The following STOX2 variants were observed in gnomAD, a reference collection of about 807,000 sequenced individuals.
STOX2 encodes storkhead-box protein 2.
Under a neutral mutation model 60.9 loss-of-function variants are expected in STOX2, and 28 were observed. The ratio of observed to expected loss-of-function variants is 0.46; its 90% CI spans 0.34 to 0.63. The LOEUF (loss-of-function observed/expected upper bound fraction) is 0.63. Among genes scored for constraint, STOX2 ranks in the 30% least tolerant of loss-of-function variants. The pLI, the probability that STOX2 is intolerant of heterozygous loss-of-function variation, is 0.01. For synonymous variants in STOX2, 472 were observed against 463.9 expected (o/e 1.02, Z -0.22); for missense variants, 1,024 against 1,187.7 (o/e 0.86, Z 2.03).
chr4:183,947,824 A>G (rs1428358132), intron 1 of STOX2, among the ~76,000 whole-genome samples: 3 of 152,208 alleles, frequency 2.0e-5, no homozygotes, highest in African/African-American at 7.2e-5. Flanking sequence ...TACTAATATT[A>G]CTGCAGTTAG....
In STOX2 at chr4:184,011,043, G is replaced by T. The variant is rs367959621; in HGVS notation, c.2205G>T (p.Leu735Phe). 27 of 1,612,496 alleles carry T rather than the reference G, an allele frequency of 1.7e-5. No homozygotes were observed. In the African/African-American group the frequency reaches 3.6e-4, roughly 21 times the overall value. The stretch of plus-strand genomic sequence containing the variant: ...ACCCGAAGACACCTGCTGACACATT[G>T]CCAGGCCGATGTGAGAAACTGGAAC... ...KSHPKTPADT[L>F]PGRCEKLEPS... Residue 735 changes from leucine to phenylalanine, a missense_variant, in exon 3 of 4, where the codon TTG becomes TTT. Transcript: ENST00000308497. This position sits in a 1 kb window ranked among gnomAD's most constrained non-coding sequence, Gnocchi z 4.4.
chr4:183,832,155 A>C (rs7655199), intron 1 of STOX2, among the ~76,000 whole-genome samples: 13,228 of 151,534 alleles, frequency 0.087, 1,879 homozygotes, highest in African/African-American at 0.3. Context: ...ATGCCCGGCT[A>C]ATTTTTGTAT....
At chr4:183,968,404 T>C (rs1743643814) in intron 1 of STOX2, among the ~76,000 whole-genome samples, 1 of 150,132 alleles carries the variant, frequency 6.7e-6, no homozygotes, top group Non-Finnish European at 1.5e-5. Flanking sequence ...TTAAAGACAA[T>C]TTTTTGATCA....
intron 1 of STOX2, among the ~76,000 whole-genome samples, chr4:183,948,369 A>G (rs1025938176): frequency 6.6e-6 from 1 of 151,878 alleles, no homozygotes; most frequent in Non-Finnish European, 1.5e-5. Flanking sequence ...AAACTGATAC[A>G]TAGCATCTTA....
chr4:183,843,456 C>A lies in STOX2; in HGVS notation c.364+45401C>A, dbSNP rs73870919. Reference sequence around the variant, plus strand: ...GTAGACAGAAACATTGTGTACCTTCCTGGGCACTGAACTTTAGATCAGGAG... The same window carrying A: ...GTAGACAGAAACATTGTGTACCTTCATGGGCACTGAACTTTAGATCAGGAG... On this transcript the variant is annotated intron_variant, in intron 1 of 2. Transcript: ENST00000513034. Among the ~76,000 whole-genome samples the A allele has an allele frequency of 6.0e-3, 919 of 152,314 alleles. 8 individuals carry two copies. The highest frequency in any genetic ancestry group is 0.022 in the South Asian group (104 of 4,832).
chr4:183,984,181 C>T (rs1205756366), intron 1 of STOX2, among the ~76,000 whole-genome samples: 1 of 152,206 alleles, frequency 6.6e-6, no homozygotes, highest in East Asian at 1.9e-4. Context: ...ACAAAACATG[C>T]AAAAAGTATC....
At chr4:183,951,740 C>T (rs1743102116) in intron 1 of STOX2, among the ~76,000 whole-genome samples, 1 of 152,078 alleles carries the variant, frequency 6.6e-6, no homozygotes, top group South Asian at 2.1e-4. Context: ...GAGTTCGAGA[C>T]CAGCCTGGGC....
chr4:183,871,123 G>T (rs144116010), intron 1 of STOX2, among the ~76,000 whole-genome samples: 113 of 152,306 alleles, frequency 7.4e-4, no homozygotes, highest in Non-Finnish European at 8.8e-4. Context: ...TTCCTGGCTG[G>T]ATCTAACAGG....
chr4:183,812,581 A>G (rs528278211), intron 1 of STOX2, among the ~76,000 whole-genome samples: 3 of 152,250 alleles, frequency 2.0e-5, no homozygotes, highest in South Asian at 2.1e-4. Context: ...GAGCAGCTCA[A>G]CATGAATTGG....
chr4:183,891,882 T>C (rs1411809085), intron 1 of STOX2, among the ~76,000 whole-genome samples: 1 of 152,198 alleles, frequency 6.6e-6, no homozygotes, highest in Non-Finnish European at 1.5e-5. Flanking sequence ...TAGCTAATAT[T>C]TACTGAGCAT....
In STOX2 at chr4:183,821,627, G is replaced by C. The variant is rs144600433; in HGVS notation, c.364+23572G>C. 0.011 allele frequency among the ~76,000 whole-genome samples: 1,749 copies of C among 152,334 alleles called. 40 individuals are homozygous for C. Among genetic ancestry groups the C allele is most frequent in the Admixed American group, 0.064 (981 of 15,306 alleles). On this transcript the variant is annotated intron_variant, in intron 1 of 2. Coordinates refer to the STOX2 transcript ENST00000513034. This position sits in a 1 kb window ranked among gnomAD's most constrained non-coding sequence, Gnocchi z 4.2. ...CTTTGGGAGGCTGGCAGGCAGGTAG[G>C]CTGGGAAGGTGAGGGTTGGCAGTGT...
intron 1 of STOX2, among the ~76,000 whole-genome samples, chr4:183,996,409 A>G (rs2309955): frequency 0.56 from 85,363 of 152,124 alleles, 24,394 homozygotes; most frequent in African/African-American, 0.69. Flanking sequence ...AGACAAGTAA[A>G]TTATAATCCA....
chr4:183,868,931 G>A (rs1475116537), intron 1 of STOX2, among the ~76,000 whole-genome samples: 10 of 152,152 alleles, frequency 6.6e-5, no homozygotes. Flanking sequence ...AATACAGTGA[G>A]TATATCCTTG....
At chr4:183,826,689 C>T (rs770049806) in intron 1 of STOX2, among the ~76,000 whole-genome samples, 1 of 152,210 alleles carries the variant, frequency 6.6e-6, no homozygotes, top group Non-Finnish European at 1.5e-5. Flanking sequence ...TGGAATCTGC[C>T]CCGCAGGGTT....
chr4:183,980,361 G>A (rs1036482235), intron 1 of STOX2, among the ~76,000 whole-genome samples: 2 of 152,152 alleles, frequency 1.3e-5, no homozygotes, highest in South Asian at 2.1e-4. Context: ...TTGTTTTTGC[G>A]TGCTGAAAAT....
At chr4:183,811,177 G>T (rs1739025712) in intron 1 of STOX2, among the ~76,000 whole-genome samples, 1 of 152,206 alleles carries the variant, frequency 6.6e-6, no homozygotes, top group Non-Finnish European at 1.5e-5. Context: ...TCAAAGGACG[G>T]GGAGGGGTGA....
At chr4:183,834,315 C>T (rs997426864) in intron 1 of STOX2, among the ~76,000 whole-genome samples, 3 of 152,156 alleles carry the variant, frequency 2.0e-5, no homozygotes, top group African/African-American at 7.2e-5. Context: ...TGAAGTTTTG[C>T]ACCGTGCAGC....
At chr4:184,014,176 G>A (rs1167324594) in intron 3 of STOX2, 1 of 150,570 alleles carries the variant, frequency 6.6e-6, no homozygotes, top group Non-Finnish European at 1.5e-5. Flanking sequence ...CACACTCCAG[G>A]GTTTCAGTGC....
chr4:183,826,903 A>C (rs1272176190), intron 1 of STOX2, among the ~76,000 whole-genome samples: 1 of 152,246 alleles, frequency 6.6e-6, no homozygotes, highest in Admixed American at 6.5e-5. Flanking sequence ...AAAGGCAGTG[A>C]TAGTAGTAGC....
Sources: allele counts gnomAD v4.1 joint callset (sites outside exome capture counted in the v4.1 genomes callset), GRCh38; gene constraint gnomAD v4.1.1; non-coding constraint Gnocchi (gnomAD v3.1); transcripts MANE v1.5; gene names NCBI Gene and HGNC (gene_info 2026-07-23, HGNC 2026-07-21).